Variants in MACROD2 observed in about 807,000 individuals in gnomAD.
The protein encoded by MACROD2 is ADP-ribose glycohydrolase MACROD2.
MACROD2 carries 36 observed loss-of-function variants against 70.4 expected under a neutral mutation model. That is an observed-to-expected ratio of 0.51 (90% CI 0.39 to 0.68). The LOEUF is 0.68. Among genes scored for constraint, MACROD2 ranks in the 30% least tolerant of loss-of-function variants. The pLI is 0.00. For missense variants in MACROD2, 496 were observed against 538.4 expected, an observed-to-expected ratio of 0.92 and a Z score of 0.78; for synonymous variants, 172 against 178.8, an observed-to-expected ratio of 0.96 and a Z score of 0.30.
intron 5 of MACROD2, among the ~76,000 whole-genome samples, chr20:15,140,051 G>C (rs952835803): frequency 2.6e-5 from 4 of 152,196 alleles, no homozygotes; most frequent in Admixed American, 6.5e-5. Context: ...TGGTTGTATA[G>C]AAAAATGTGG....
chr20:15,743,236 G>A (rs1294584155), intron 8 of MACROD2, among the ~76,000 whole-genome samples: 1 of 152,030 alleles, frequency 6.6e-6, no homozygotes, highest in Non-Finnish European at 1.5e-5. Flanking sequence ...ATCCCCACGA[G>A]GATCTCAGAT....
intron 6 of MACROD2, among the ~76,000 whole-genome samples, chr20:15,410,686 G>A (rs1260500375): frequency 6.6e-6 from 1 of 150,918 alleles, no homozygotes; most frequent in Admixed American, 6.6e-5. Flanking sequence ...GCATCAATGA[G>A]GAAGTAGCCA....
intron 8 of MACROD2, among the ~76,000 whole-genome samples, chr20:15,755,068 G>A (rs958694966): frequency 3.3e-5 from 5 of 152,004 alleles, no homozygotes; most frequent in Admixed American, 1.3e-4. Flanking sequence ...CATGTTGGCC[G>A]GGCTGGTCTT....
At chr20:14,271,277 G>T (rs981583803) in intron 3 of MACROD2, among the ~76,000 whole-genome samples, 21 of 152,138 alleles carry the variant, frequency 1.4e-4, no homozygotes, top group African/African-American at 3.4e-4. Context: ...ACACGGCCAG[G>T]TACTCCTCTG....
chr20:14,242,239 T>G (rs756447318), intron 3 of MACROD2, among the ~76,000 whole-genome samples: 11 of 152,146 alleles, frequency 7.2e-5, no homozygotes, highest in Non-Finnish European at 1.3e-4. Context: ...AATTTTTTGT[T>G]TTTATATTCA....
intron 12 of MACROD2, among the ~76,000 whole-genome samples, chr20:15,965,556 T>C (rs1263464159): frequency 6.6e-6 from 1 of 152,172 alleles, no homozygotes; most frequent in Non-Finnish European, 1.5e-5. Context: ...ACATTAATGT[T>C]GAGAGAAATT....
intron 15 of MACROD2, among the ~76,000 whole-genome samples, chr20:16,039,521 T>C (rs1421110671): frequency 6.6e-6 from 1 of 151,944 alleles, no homozygotes; most frequent in Non-Finnish European, 1.5e-5. Flanking sequence ...TAAACATTTC[T>C]TTTGGTATTT....
intron 5 of MACROD2, among the ~76,000 whole-genome samples, chr20:14,725,069 A>G (rs1475258939): frequency 2.6e-5 from 4 of 152,034 alleles, no homozygotes; most frequent in Non-Finnish European, 4.4e-5. Flanking sequence ...TTGCTCATGG[A>G]TTGGATATGG....
In MACROD2 at chr20:14,416,164, G is replaced by A. The variant is rs554457623; in HGVS notation, c.272-77315G>A. Among the ~76,000 whole-genome samples, 8 of 152,074 alleles carry A rather than the reference G, an allele frequency of 5.3e-5. No individual in the cohort carries two copies. The South Asian group carries it at 1.5e-3, about 28-fold the overall frequency. On this transcript the variant is annotated intron_variant, in intron 3 of 17. Coordinates refer to ENST00000684519, the MANE Select transcript of MACROD2 (RefSeq NM_001351661.2). ...AGTAGAGATGGGGCTTCACCATGTT[G>A]GCCAGGATGGTCTCAATCTCCTGAC... is the stretch of plus-strand genomic sequence containing the variant.
intron 8 of MACROD2, among the ~76,000 whole-genome samples, chr20:15,532,047 A>G (rs1403345629): frequency 1.3e-5 from 2 of 152,152 alleles, no homozygotes; most frequent in African/African-American, 2.4e-5. Context: ...ACTGGAGTGA[A>G]TTTAGTTCTG....
intron 4 of MACROD2, among the ~76,000 whole-genome samples, chr20:14,623,353 G>A (rs1488048876): frequency 1.3e-5 from 2 of 152,090 alleles, no homozygotes; most frequent in Admixed American, 1.3e-4. Context: ...AGAGGGTGCT[G>A]GTTCAAAGTG....
intron 8 of MACROD2, among the ~76,000 whole-genome samples, chr20:15,699,342 C>G (rs1207883722): frequency 2.0e-5 from 3 of 152,120 alleles, no homozygotes; most frequent in Non-Finnish European, 4.4e-5. Context: ...GTAATTGTCT[C>G]TCTTCTGGGT....
chr20:15,311,433 A>C (rs958480044), intron 6 of MACROD2, among the ~76,000 whole-genome samples: 1 of 152,208 alleles, frequency 6.6e-6, no homozygotes, highest in Admixed American at 6.5e-5. Flanking sequence ...CCATTACTGG[A>C]TATATATCCG....
chr20:14,874,659 A>G (rs898585134), intron 5 of MACROD2, among the ~76,000 whole-genome samples: 6 of 150,934 alleles, frequency 4.0e-5, no homozygotes, highest in Non-Finnish European at 5.9e-5. Context: ...AATAACATGA[A>G]CAAAAAAGGT....
chr20:15,157,641 G>T (rs1212396980), intron 5 of MACROD2, among the ~76,000 whole-genome samples: 2 of 152,106 alleles, frequency 1.3e-5, no homozygotes, highest in African/African-American at 4.8e-5. Context: ...GTCCTGAATA[G>T]TTTCCAACTG....
intron 1 of MACROD2, among the ~76,000 whole-genome samples, chr20:14,002,034 A>C (rs2052739031): frequency 6.6e-6 from 1 of 152,204 alleles, no homozygotes; most frequent in South Asian, 2.1e-4. Context: ...TGTTGCTTGA[A>C]AGTGTAAATG....
At chr20:14,734,211 A>G (rs973010416) in intron 5 of MACROD2, among the ~76,000 whole-genome samples, 5 of 152,046 alleles carry the variant, frequency 3.3e-5, no homozygotes, top group African/African-American at 1.2e-4. Context: ...AAAATTAACA[A>G]TAAGGGGCCG....
chr20:14,495,125 A>G (rs1426952148), intron 4 of MACROD2, among the ~76,000 whole-genome samples: 1 of 152,172 alleles, frequency 6.6e-6, no homozygotes, highest in African/African-American at 2.4e-5. Context: ...ACTATAACAG[A>G]AAAAGTAAAA....
chr20:15,227,256 G>A (rs1473736945), intron 5 of MACROD2, among the ~76,000 whole-genome samples: 1 of 152,054 alleles, frequency 6.6e-6, no homozygotes. Context: ...TTTTATAGAC[G>A]ATGATGACTA....
Sources: gnomAD v4.1 joint callset for allele counts (sites outside exome capture counted in the v4.1 genomes callset) on GRCh38, gnomAD v4.1.1 for gene constraint, MANE v1.5 for transcripts, NCBI Gene and HGNC (gene_info 2026-07-23, HGNC 2026-07-21) for gene names.